Variants in SNTG1 observed in about 807,000 individuals in gnomAD.
SNTG1 encodes gamma-1-syntrophin.
SNTG1 carries 39 observed loss-of-function variants against 74.7 expected under a neutral mutation model. The observed-to-expected ratio is 0.52, with a 90% CI of 0.40 to 0.68. SNTG1 has a LOEUF of 0.68. SNTG1 is among the 30% of genes least tolerant of loss of function. The probability of loss-of-function intolerance (pLI) is 0.00; values close to 1 mark genes in which losing one functional copy is unlikely to be tolerated. For synonymous variants in SNTG1, 254 were observed against 217.1 expected (o/e 1.17, Z -1.49); for missense variants, 685 against 609.5 (o/e 1.12, Z -1.30).
chr8:50,513,436 T>A (rs966397633), intron 9 of SNTG1, among the ~76,000 whole-genome samples: 2 of 152,230 alleles, frequency 1.3e-5, no homozygotes, highest in African/African-American at 4.8e-5. Flanking sequence ...ACTGCTCTCT[T>A]CAAAGCTGTC....
rs867927104 is a variant in SNTG1, at chr8:50,506,385, C to T, written c.466+3505C>T. On this transcript the variant is annotated intron_variant, in intron 9 of 18. Coordinates refer to ENST00000642720, the MANE Select transcript of SNTG1 (RefSeq NM_018967.5). ...GTTTTTCTATTTCTGCAAAATAATACCATAGAGATTTTGATAGGGATTGCA... is the reference window on the plus strand; with the variant it reads ...GTTTTTCTATTTCTGCAAAATAATATCATAGAGATTTTGATAGGGATTGCA... Among the ~76,000 whole-genome samples the T allele has an allele frequency of 2.0e-5, 3 of 151,986 alleles. No individual in the cohort carries two copies. In the East Asian group the frequency reaches 5.8e-4, roughly 29 times the overall value.
chr8:50,241,319 A>G (rs117887522), intron 2 of SNTG1, among the ~76,000 whole-genome samples: 4,024 of 152,310 alleles, frequency 0.026, 86 homozygotes, highest in Non-Finnish European at 0.044. Context: ...GTGAATGGCA[A>G]TGGCTTGCCA....
At chr8:50,202,959 G>GT (rs1466632185) in intron 2 of SNTG1, among the ~76,000 whole-genome samples, 2 of 151,440 alleles carry the variant, frequency 1.3e-5, no homozygotes, top group Admixed American at 6.6e-5. Flanking sequence ...ATATTTCTTG[G>GT]TTTTGTCTCC....
intron 9 of SNTG1, among the ~76,000 whole-genome samples, chr8:50,520,047 A>G (rs182114917): frequency 1.2e-3 from 179 of 152,328 alleles, no homozygotes; most frequent in Admixed American, 2.1e-3. Context: ...ACAATACTAC[A>G]AGGCTGCAGT....
intron 17 of SNTG1, among the ~76,000 whole-genome samples, chr8:50,722,361 G>T (rs2131594397): frequency 6.6e-6 from 1 of 151,896 alleles, no homozygotes; most frequent in East Asian, 2.0e-4. Context: ...TTTTAATAGA[G>T]ACGGGGTTTT....
chr8:50,374,039 T>C (rs987889209), intron 2 of SNTG1, among the ~76,000 whole-genome samples: 1 of 152,248 alleles, frequency 6.6e-6, no homozygotes, highest in Non-Finnish European at 1.5e-5. Flanking sequence ...AATTCATATG[T>C]TGAAGCTATG....
rs765762944 is a variant in SNTG1 at position 50,370,073 on chromosome 8, C to A, written c.-27-24139C>A. On this transcript the variant is annotated intron_variant, in intron 2 of 18. Transcript: ENST00000642720. ...CAAGGATCTGAGTACTATGTATATA[C>A]ATTTGAGCATTTTTGGCAAACTAAT... is the stretch of plus-strand genomic sequence containing the variant. Among the ~76,000 whole-genome samples the A allele has an allele frequency of 3.1e-4, 47 of 152,288 alleles. 2 individuals carry two copies. The highest frequency in any genetic ancestry group is 2.7e-3 in the Admixed American group (42 of 15,294).
intron 18 of SNTG1, among the ~76,000 whole-genome samples, chr8:50,782,857 G>A (rs1366072954): frequency 6.6e-6 from 1 of 152,118 alleles, no homozygotes; most frequent in Non-Finnish European, 1.5e-5. Flanking sequence ...GGTCTTTGAT[G>A]ATGGTGATGT....
At chr8:49,927,239 T>C (rs1270066761) in intron 1 of SNTG1, among the ~76,000 whole-genome samples, 1 of 152,144 alleles carries the variant, frequency 6.6e-6, no homozygotes, top group Non-Finnish European at 1.5e-5. Context: ...AATCTAGCAA[T>C]CACACTTGTT....
At chr8:50,638,097 A>G (rs1156594092) in intron 13 of SNTG1, among the ~76,000 whole-genome samples, 2 of 152,120 alleles carry the variant, frequency 1.3e-5, no homozygotes, top group African/African-American at 2.4e-5. Flanking sequence ...GAGATGTTAC[A>G]CTGGTGGCTT....
chr8:49,978,737 G>C (rs1812409373), intron 1 of SNTG1, among the ~76,000 whole-genome samples: 1 of 152,090 alleles, frequency 6.6e-6, no homozygotes, highest in African/African-American at 2.4e-5. Context: ...AGCTGAGTTG[G>C]GCAGTTACTT....
intron 13 of SNTG1, among the ~76,000 whole-genome samples, chr8:50,626,675 G>T (rs917229976): frequency 3.9e-5 from 6 of 152,320 alleles, no homozygotes; most frequent in South Asian, 4.1e-4. Context: ...TCATGCTATT[G>T]TTTGTGGCTT....
At position 50,150,623 on chromosome 8, in the gene SNTG1, A is replaced by G. The variant is rs540362202; in HGVS notation, c.-102-21938A>G. On this transcript the variant is annotated intron_variant, in intron 1 of 18. Transcript: ENST00000642720. ...CATGAAGGGTTGTTGAATTTTGTCA[A>G]AGGCCTTTTCTGCATCTGTTAAGAT... is the stretch of plus-strand genomic sequence containing the variant. Among the ~76,000 whole-genome samples, 264 of 152,322 alleles carry G rather than the reference A, an allele frequency of 1.7e-3. 2 individuals are homozygous for G. The highest frequency in any genetic ancestry group is 6.0e-3 in the African/African-American group (248 of 41,576).
intron 1 of SNTG1, among the ~76,000 whole-genome samples, chr8:50,094,472 A>G (rs1410711626): frequency 1.3e-5 from 2 of 152,216 alleles, no homozygotes; most frequent in Non-Finnish European, 2.9e-5. Context: ...TAAGGAACCT[A>G]AAGAAATCAA....
At chr8:50,380,903 C>G (rs1173961340) in intron 2 of SNTG1, 1 of 152,176 alleles carries the variant, frequency 6.6e-6, no homozygotes, top group African/African-American at 2.4e-5. Flanking sequence ...ATGTGACAGT[C>G]AGGAAATGTT....
intron 1 of SNTG1, among the ~76,000 whole-genome samples, chr8:49,927,539 ATGG>A (rs1807136449): frequency 6.6e-6 from 1 of 152,204 alleles, no homozygotes; most frequent in Non-Finnish European, 1.5e-5. Context: ...CTTAAATATT[ATGG>A]TACTAAGTGA....
At chr8:50,222,066 G>A (rs2085097788) in intron 2 of SNTG1, among the ~76,000 whole-genome samples, 2 of 152,130 alleles carry the variant, frequency 1.3e-5, no homozygotes, top group Non-Finnish European at 2.9e-5. Flanking sequence ...TCTGGGTGAG[G>A]GTCACAGGAG....
chr8:50,191,598 T>A (rs1390796207), intron 2 of SNTG1, among the ~76,000 whole-genome samples: 1 of 152,170 alleles, frequency 6.6e-6, no homozygotes, highest in Non-Finnish European at 1.5e-5. Context: ...CTGGGATACA[T>A]ATGCAGAACA....
rs79576431 is a variant in SNTG1 at position 50,297,408 on chromosome 8, C to T, written c.-27-96804C>T. Among the ~76,000 whole-genome samples, 39 of 152,222 alleles carry T rather than the reference C, an allele frequency of 2.6e-4. No individual in the cohort carries two copies. In the East Asian group the frequency reaches 5.2e-3, roughly 20 times the overall value. On this transcript the variant is annotated intron_variant, in intron 2 of 18. Transcript: ENST00000642720. Reference sequence around the variant, plus strand: ...CATTCCTACCATAGATCTTAGCAACCCCAGCACACAATTTTTTTTCTTTTC... The same window carrying T: ...CATTCCTACCATAGATCTTAGCAACTCCAGCACACAATTTTTTTTCTTTTC...
Sources: allele counts gnomAD v4.1 joint callset (sites outside exome capture counted in the v4.1 genomes callset), GRCh38; gene constraint gnomAD v4.1.1; transcripts MANE v1.5; gene names NCBI Gene and HGNC (gene_info 2026-07-23, HGNC 2026-07-21).